STON2: variants seen among roughly 807,000 people sequenced by gnomAD.
The protein encoded by STON2 is stonin-2.
In STON2, 29 loss-of-function variants were observed where a neutral mutation model predicts 65.7. That is an observed-to-expected ratio of 0.44 (90% CI 0.33 to 0.60). The LOEUF is 0.60. STON2 is among the 20% of genes least tolerant of loss of function. The probability of loss-of-function intolerance (pLI) is 0.03; values close to 1 mark genes in which losing one functional copy is unlikely to be tolerated. For synonymous variants in STON2, 404 were observed against 414.2 expected (o/e 0.98, Z 0.30); for missense variants, 1,054 against 1,118.1 (o/e 0.94, Z 0.82).
chr14:81,262,579 T>A lies in STON2; in HGVS notation c.*5835A>T. The A allele has an allele frequency of 1.0e-6, 1 of 985,448 alleles. No homozygotes were observed. The highest frequency in any genetic ancestry group is 1.2e-6 in the Non-Finnish European group (1 of 829,912). 61.0% of individuals were successfully genotyped at this position (985,448 alleles called of 1,614,324 possible). A position where few individuals can be genotyped will look rare whatever the true frequency, so the allele number is the denominator to read the frequency against. On this transcript the variant is annotated 3_prime_UTR_variant, in exon 8 of 8. Transcript: ENST00000614646. ...TTTCATATTGAAATTCTTTTTTTAG[T>A]CTATTCTCTTGTAGCTTTTGTTACA...
At chr14:81,271,937 C>G (rs182603600) in intron 6 of STON2, among the ~76,000 whole-genome samples, 63 of 152,260 alleles carry the variant, frequency 4.1e-4, no homozygotes, top group African/African-American at 1.4e-3. Context: ...ATGAGCTACC[C>G]ACAGTCACAG....
At chr14:81,365,498 T>C (rs1898679888) in intron 4 of STON2, among the ~76,000 whole-genome samples, 1 of 152,136 alleles carries the variant, frequency 6.6e-6, no homozygotes, top group Admixed American at 6.5e-5. Flanking sequence ...GCTCATGCCT[T>C]TAATCTCAGC....
chr14:81,368,274 C>G (rs1898828585), intron 4 of STON2, among the ~76,000 whole-genome samples: 1 of 152,190 alleles, frequency 6.6e-6, no homozygotes, highest in African/African-American at 2.4e-5. Flanking sequence ...CAAGTTGCTT[C>G]ACCTTTCTCA....
intron 2 of STON2, among the ~76,000 whole-genome samples, chr14:81,418,887 C>G (rs1320148882): frequency 6.6e-6 from 1 of 152,194 alleles, no homozygotes; most frequent in Non-Finnish European, 1.5e-5. Flanking sequence ...AAACAAAATA[C>G]CTGGCAAGTA....
chr14:81,362,164 A>C (rs1013769720), intron 4 of STON2, among the ~76,000 whole-genome samples: 4 of 152,206 alleles, frequency 2.6e-5, no homozygotes, highest in African/African-American at 9.6e-5. Flanking sequence ...TCAGTATGCC[A>C]AAGAGATGTC....
Position 81,262,144 on chromosome 14 carries a change from T to C in STON2, c.*6270A>G. ...TGAAGAAACAATTAATCCAACTTCC[T>C]CACTTTTTTGTCTCAGGAAACTGAA... On this transcript the variant is annotated 3_prime_UTR_variant, in exon 8 of 8. Coordinates refer to ENST00000614646, the MANE Select transcript of STON2 (RefSeq NM_001394390.1). 1.0e-6 allele frequency: 1 copy of C among 985,276 alleles called. No homozygotes were observed. The highest frequency in any genetic ancestry group is 1.2e-6 in the Non-Finnish European group (1 of 829,794). The allele number at this position is 985,276 out of a possible 1,614,324, so 61.0% of individuals were successfully genotyped here.
At chr14:81,397,119 T>C (rs552158755) in intron 2 of STON2, among the ~76,000 whole-genome samples, 5 of 152,298 alleles carry the variant, frequency 3.3e-5, no homozygotes, top group Admixed American at 1.3e-4. Context: ...CACAAATGTA[T>C]ACATGTGCTG....
At chr14:81,410,906 C>T (rs749666922) in intron 2 of STON2, among the ~76,000 whole-genome samples, 1 of 152,154 alleles carries the variant, frequency 6.6e-6, no homozygotes, top group Non-Finnish European at 1.5e-5. Context: ...TAAAATCAAC[C>T]GTTATCCATA....
intron 5 of STON2, among the ~76,000 whole-genome samples, chr14:81,317,681 C>T (rs1388303039): frequency 4.6e-5 from 7 of 152,168 alleles, no homozygotes; most frequent in Non-Finnish European, 1.5e-5. Context: ...GGGAAAAGGT[C>T]CCAGTGTTCA....
intron 3 of STON2, among the ~76,000 whole-genome samples, chr14:81,380,512 C>T (rs1015877301): frequency 6.6e-6 from 1 of 151,918 alleles, no homozygotes; most frequent in African/African-American, 2.4e-5. Flanking sequence ...GGAATAACAA[C>T]ACATGCACAC....
Position 81,267,509 on chromosome 14 carries a change from T to C in STON2, c.*905A>G, listed in dbSNP as rs970846422. 48 of 985,288 alleles carry C rather than the reference T, an allele frequency of 4.9e-5. No individual in the cohort carries two copies. The highest frequency in any genetic ancestry group is 9.4e-5 in the South Asian group (2 of 21,292). The allele number at this position is 985,288 out of a possible 1,614,324, so 61.0% of individuals were successfully genotyped here. A position where few individuals can be genotyped will look rare whatever the true frequency, so the allele number is the denominator to read the frequency against. On this transcript the variant is annotated 3_prime_UTR_variant, in exon 8 of 8. Transcript: ENST00000614646. ...ATAAAAAGAACTCCCAAATGCCCCT[T>C]ACAAATGCCTCAGGTATTATGTATA...
intron 4 of STON2, among the ~76,000 whole-genome samples, chr14:81,357,621 T>C (rs1898300587): frequency 6.6e-6 from 1 of 151,866 alleles, no homozygotes; most frequent in South Asian, 2.1e-4. Flanking sequence ...TGTGGCACTA[T>C]TCACTTGGAA....
At position 81,270,859 on chromosome 14, in the gene STON2, T is replaced by C. The variant is rs1450856620; in HGVS notation, c.2595A>G (p.Pro865=). Residue 865 remains proline, a synonymous_variant, in exon 7 of 8, where the codon CCA becomes CCG. Transcript: ENST00000614646. ...LPDKNSASGH[P]HCFFCHLELG... ...GTTCAAGGTGGCAAAAGAAACAGTG[T>C]GGGTGACCGGAAGCTATGAAAGAAA... 5.0e-6 allele frequency: 8 copies of C among 1,612,766 alleles called. No individual in the cohort carries two copies. The highest frequency in any genetic ancestry group is 6.8e-6 in the Non-Finnish European group (8 of 1,179,924).
At chr14:81,352,254 T>C (rs935877464) in intron 4 of STON2, among the ~76,000 whole-genome samples, 2 of 152,106 alleles carry the variant, frequency 1.3e-5, no homozygotes, top group African/African-American at 4.8e-5. Flanking sequence ...TGATAAAAGA[T>C]AAAGGATATC....
Position 81,265,130 on chromosome 14 carries a change from T to A in STON2, c.*3284A>T, listed in dbSNP as rs1935975395. On this transcript the variant is annotated 3_prime_UTR_variant, in exon 8 of 8. Coordinates refer to ENST00000614646, the MANE Select transcript of STON2 (RefSeq NM_001394390.1). ...CAGGGTTGCAAAAGTAGAATCTGCA[T>A]ATCCACAGGTAATTTGCCCAACTGT... 1.0e-6 allele frequency: 1 copy of A among 985,126 alleles called. No homozygotes were observed. Among genetic ancestry groups the A allele is most frequent in the African/African-American group, 1.7e-5 (1 of 57,184 alleles). 61.0% of individuals were successfully genotyped at this position (985,126 alleles called of 1,614,324 possible).
In STON2 at chr14:81,266,051, C is replaced by A; in HGVS notation, c.*2363G>T. 19 of 985,434 alleles carry A rather than the reference C, an allele frequency of 1.9e-5. No individual in the cohort carries two copies. The highest frequency in any genetic ancestry group is 2.3e-5 in the Non-Finnish European group (19 of 829,936). The allele number at this position is 985,434 out of a possible 1,614,324, so 61.0% of individuals were successfully genotyped here. On this transcript the variant is annotated 3_prime_UTR_variant, in exon 8 of 8. Coordinates refer to ENST00000614646, the MANE Select transcript of STON2 (RefSeq NM_001394390.1). Reference sequence around the variant, plus strand: ...TGACAAAAACCTCAAAGGAACTCCACTGTATTTCAAAGAGCATGAAAAACC... The same window carrying A: ...TGACAAAAACCTCAAAGGAACTCCAATGTATTTCAAAGAGCATGAAAAACC...
intron 3 of STON2, among the ~76,000 whole-genome samples, chr14:81,390,186 T>G (rs1211143517): frequency 2.1e-5 from 3 of 141,912 alleles, no homozygotes; most frequent in Admixed American, 7.1e-5. Flanking sequence ...AGAGTGAGAC[T>G]CCATTTCAAA....
intron 4 of STON2, 131 bp downstream of exon 4, chr14:81,370,857 G>T: frequency 2.5e-6 from 2 of 803,374 alleles, no homozygotes; most frequent in Non-Finnish European, 2.0e-6. Context: ...CTAGCTTTTT[G>T]ACTGGATAAC....
In STON2 at chr14:81,268,069, CT is replaced by C; in HGVS notation, c.*344del. 1 of 996,024 alleles carries C rather than the reference CT, an allele frequency of 1.0e-6. No homozygotes were observed. The highest frequency in any genetic ancestry group is 1.7e-5 in the African/African-American group (1 of 57,488). 61.7% of individuals were successfully genotyped at this position (996,024 alleles called of 1,614,324 possible). A position where few individuals can be genotyped will look rare whatever the true frequency, so the allele number is the denominator to read the frequency against. The stretch of plus-strand genomic sequence containing the variant: ...CGTGCTAACACTGATGTGGGAGGTT[CT>C]TTTCCTGACTGTAACAGTCACAACA... On this transcript the variant is annotated 3_prime_UTR_variant, in exon 8 of 8. Transcript: ENST00000614646.
Sources: gnomAD v4.1 joint callset for allele counts (sites outside exome capture counted in the v4.1 genomes callset) on GRCh38, gnomAD v4.1.1 for gene constraint, MANE v1.5 for transcripts, NCBI Gene and HGNC (gene_info 2026-07-23, HGNC 2026-07-21) for gene names.